The following NAXE variants were observed in gnomAD, a reference collection of about 807,000 sequenced individuals.
The protein encoded by NAXE is NAD(P)HX epimerase, also known as NAD(P)H-hydrate epimerase.
Under a neutral mutation model 31.2 loss-of-function variants are expected in NAXE, and 25 were observed. That is an observed-to-expected ratio of 0.80 (90% CI 0.58 to 1.12). NAXE has a LOEUF of 1.12. Ranked by LOEUF, NAXE falls within the 50% of genes most tolerant of loss-of-function variation. The pLI, the probability that NAXE is intolerant of heterozygous loss-of-function variation, is 0.00. For synonymous variants in NAXE, 144 were observed against 154.5 expected, an observed-to-expected ratio of 0.93 and a Z score of 0.50; for missense variants, 362 against 376.1, an observed-to-expected ratio of 0.96 and a Z score of 0.31.
chr1:156,594,013 G>T lies in NAXE; in HGVS notation c.796G>T (p.Ala266Ser). 6.2e-7 allele frequency: 1 copy of T among 1,614,150 alleles called. No homozygotes were observed. The highest frequency in any genetic ancestry group is 1.1e-5 in the South Asian group (1 of 91,084). The change falls in exon 6 of 6, where the codon GCT (alanine) becomes TCT (serine). Residue 266 changes from alanine (A) to serine (S), a missense_variant. Transcript: ENST00000368235. ...CCTGGGGGGTCGTTTTGTGCCACCT[G>T]CTCTGGAGAAGAAGTACCAGCTGAA... Reference protein sequence around the residue: ...HYLGGRFVPPALEKKYQLNLP... With the variant: ...HYLGGRFVPPSLEKKYQLNLP...
intron 4 of NAXE, 62 bp from the exon 5 acceptor site, chr1:156,593,346 T>C: frequency 6.4e-7 from 1 of 1,571,822 alleles, no homozygotes; most frequent in Non-Finnish European, 8.6e-7. Context: ...AGGACAGCCC[T>C]CTCCAGTTAA....
In NAXE at chr1:156,593,407, G is replaced by A. The variant is rs147197432; in HGVS notation, c.517-1G>A. 3.1e-6 allele frequency: 5 copies of A among 1,613,074 alleles called. No individual in the cohort carries two copies. The African/African-American group carries it at 6.7e-5, about 22-fold the overall frequency. On this transcript the variant is annotated splice_acceptor_variant, in intron 4 of 5. Coordinates refer to ENST00000368235, the MANE Select transcript of NAXE (RefSeq NM_144772.3). LOFTEE classifies it high-confidence loss of function. ...GACATCCTTTTCCTGCTCCACCACAGCCCATGACGATTGATGAACTGTATG... is the reference window on the plus strand; with the variant it reads ...GACATCCTTTTCCTGCTCCACCACAACCCATGACGATTGATGAACTGTATG...
intron 4 of NAXE, chr1:156,593,085 G>A (rs889932772): frequency 2.4e-6 from 1 of 417,384 alleles, no homozygotes; most frequent in African/African-American, 2.0e-5. Flanking sequence ...GTGCAGAGAA[G>A]TGGTTTGCTT....
rs1456211033 is a variant in NAXE, at chr1:156,593,746, G to A, written c.665-136G>A. 6 of 1,310,992 alleles carry A rather than the reference G, an allele frequency of 4.6e-6. No homozygotes were observed. In the Admixed American group the frequency reaches 9.8e-5, roughly 21 times the overall value. The allele number at this position is 1,310,992 out of a possible 1,614,324, so 81.2% of individuals were successfully genotyped here. On this transcript the variant is annotated intron_variant, in intron 5 of 5. Transcript: ENST00000368235. ...CCCATGAAGAGACCACGGCCCAAGG[G>A]TACGTGGAGCTCGTTGGACGAGAGT...
intron 2 of NAXE, 48 bp from the exon 3 acceptor site, chr1:156,592,317 C>CT (rs1178160195): frequency 1.2e-6 from 2 of 1,605,200 alleles, no homozygotes; most frequent in African/African-American, 2.7e-5. Context: ...CCAATATGGT[C>CT]TATTACCGCC....
At position 156,591,776 on chromosome 1, in the gene NAXE, G is replaced by GGGCCA. The variant is rs1183246063; in HGVS notation, c.-25_-24insAGGCC. 1 of 1,421,400 alleles carries GGGCCA rather than the reference G, an allele frequency of 7.0e-7. No homozygotes were observed. The highest frequency in any genetic ancestry group is 1.5e-5 in the African/African-American group (1 of 65,750). The allele number at this position is 1,421,400 out of a possible 1,614,324, so 88.0% of individuals were successfully genotyped here. On this transcript the variant is annotated 5_prime_UTR_variant, in exon 1 of 6. Coordinates refer to ENST00000368235, the MANE Select transcript of NAXE (RefSeq NM_144772.3). ...GCCGCACATGCGCCGGGGCCGGGCC[G>GGGCCA]GGCCGGGGGCGCGCGCTCTGCGAGC...
In NAXE at chr1:156,592,409, G is replaced by C. The variant is rs1317551622; in HGVS notation, c.336G>C (p.Leu112=). The change falls in exon 3 of 6, where the codon CTG becomes CTC. Residue 112 remains leucine, a synonymous_variant. Coordinates refer to ENST00000368235, the MANE Select transcript of NAXE (RefSeq NM_144772.3). ...TSMSRSPPTV[L]VICGPGNNGG... ...TGTCCAGGAGCCCCCCTACTGTCCT[G>C]GTCATCTGTGGCCCGGGGAATAATG... 6.2e-7 allele frequency: 1 copy of C among 1,614,172 alleles called. No homozygotes were observed. Among genetic ancestry groups the C allele is most frequent in the Non-Finnish European group, 8.5e-7 (1 of 1,180,036 alleles).
chr1:156,592,732 CT>C, intron 4 of NAXE, 62 bp downstream of exon 4: 3 of 1,451,774 alleles, frequency 2.1e-6, no homozygotes, highest in Non-Finnish European at 2.9e-6. Flanking sequence ...TCTGCTCTTC[CT>C]TCGTGTTTCC....
Position 156,593,989 on chromosome 1 carries a change from C to G in NAXE, c.772C>G (p.Leu258Val). The G allele has an allele frequency of 6.2e-7, 1 of 1,614,190 alleles. No individual in the cohort carries two copies. The highest frequency in any genetic ancestry group is 8.5e-7 in the Non-Finnish European group (1 of 1,180,028). ...CCAGTTTACCGGTCGCTACCATTAC[C>G]TGGGGGGTCGTTTTGTGCCACCTGC... The part of the protein sequence containing the change: ...ATQFTGRYHY[L>V]GGRFVPPALE... Residue 258 changes from leucine to valine, a missense_variant, in exon 6 of 6, where the codon CTG (leucine) becomes GTG (valine). Physicochemically the swap from Leu to Val is conservative, Grantham distance 32 (BLOSUM62 1). Coordinates refer to ENST00000368235, the MANE Select transcript of NAXE (RefSeq NM_144772.3).
In NAXE at chr1:156,592,595, C is replaced by T. The variant is rs753953377; in HGVS notation, c.441C>T (p.Asn147=). 1.2e-6 allele frequency: 2 copies of T among 1,614,084 alleles called. No homozygotes were observed. The highest frequency in any genetic ancestry group is 1.7e-6 in the Non-Finnish European group (2 of 1,180,034). ...CCATCTATTACCCCAAAAGGCCTAA[C>T]AAGCCCCTCTTCACTGCATTGGTGA... The part of the protein sequence containing the change: ...EPTIYYPKRP[N]KPLFTALVTQ... Residue 147 remains asparagine, a synonymous_variant, in exon 4 of 6, where the codon AAC becomes AAT. Coordinates refer to ENST00000368235, the MANE Select transcript of NAXE (RefSeq NM_144772.3).
Position 156,591,854 on chromosome 1 carries a change from C to G in NAXE, c.50C>G (p.Ser17Trp). 4 of 1,610,660 alleles carry G rather than the reference C, an allele frequency of 2.5e-6. No homozygotes were observed. The highest frequency in any genetic ancestry group is 3.4e-6 in the Non-Finnish European group (4 of 1,179,408). The change falls in exon 1 of 6, where the codon TCG becomes TGG. Residue 17 changes from serine to tryptophan, a missense_variant. Physicochemically the swap from Ser to Trp is radical, Grantham distance 177. Coordinates refer to ENST00000368235, the MANE Select transcript of NAXE (RefSeq NM_144772.3). ...LLGLGLLVAGSRVPRIKSQTI... is the reference protein window; with the variant it reads ...LLGLGLLVAGWRVPRIKSQTI... Reference sequence around the variant, plus strand: ...GGCCTCGGGCTGCTGGTTGCGGGCTCGCGCGTGCCGCGGATCAAAAGCCAG... The same window carrying G: ...GGCCTCGGGCTGCTGGTTGCGGGCTGGCGCGTGCCGCGGATCAAAAGCCAG...
In NAXE at chr1:156,592,587, AG is replaced by A. The variant is rs766617434; in HGVS notation, c.435del (p.Arg145SerfsTer11). Reference sequence around the variant, plus strand: ...CGAGCCAACCATCTATTACCCCAAAAGGCCTAACAAGCCCCTCTTCACTGCA... The same window carrying A: ...CGAGCCAACCATCTATTACCCCAAAAGCCTAACAAGCCCCTCTTCACTGCA... ...GYEPTIYYPK[R>X]PNKPLFTALV... On this transcript the variant is annotated frameshift_variant, in exon 4 of 6. Transcript: ENST00000368235. LOFTEE classifies it high-confidence loss of function. The A allele has an allele frequency of 1.2e-5, 19 of 1,614,050 alleles. No individual in the cohort carries two copies. The highest frequency in any genetic ancestry group is 1.6e-5 in the Non-Finnish European group (19 of 1,180,032).
In NAXE at chr1:156,592,366, C is replaced by A; in HGVS notation, c.293C>A (p.Ala98Glu). Residue 98 changes from alanine (A) to glutamate (E), a missense_variant and splice_region_variant, in exon 3 of 6, where the codon GCA becomes GAA. Ala to Glu is a moderately radical substitution (Grantham distance 107, BLOSUM62 -1). Coordinates refer to ENST00000368235, the MANE Select transcript of NAXE (RefSeq NM_144772.3). ...AACCACCCTTGACTCTGCCTTCAGGCATATCCCCCCACGTCCATGTCCAGG... is the reference window on the plus strand; with the variant it reads ...AACCACCCTTGACTCTGCCTTCAGGAATATCCCCCCACGTCCATGTCCAGG... Reference protein sequence around the residue: ...GLSCATAIAKAYPPTSMSRSP... With the variant: ...GLSCATAIAKEYPPTSMSRSP... 6.2e-7 allele frequency: 1 copy of A among 1,614,028 alleles called. No homozygotes were observed.
At chr1:156,592,334 C>G (rs748324079) in intron 2 of NAXE, 31 bp from the exon 3 acceptor site, 2 of 1,610,886 alleles carry the variant, frequency 1.2e-6, no homozygotes, top group South Asian at 2.2e-5. Context: ...CGCCTGAAAC[C>G]CCGCCGAACC....
At chr1:156,592,007 G>T in intron 1 of NAXE, 21 bp downstream of exon 1, 5 of 1,613,508 alleles carry the variant, frequency 3.1e-6, no homozygotes, top group Non-Finnish European at 3.4e-6. Context: ...GTCTCGGGTG[G>T]CCTGCTCTGC....
At chr1:156,592,763 G>T in intron 4 of NAXE, 93 bp downstream of exon 4, 2 of 1,191,134 alleles carry the variant, frequency 1.7e-6, no homozygotes, top group African/African-American at 1.5e-5. Flanking sequence ...TCATTTTAGT[G>T]CCTGGTACGG....
chr1:156,592,083 G>T lies in NAXE; in HGVS notation c.183-18G>T, dbSNP rs2102489109. 4 of 1,614,216 alleles carry T rather than the reference G, an allele frequency of 2.5e-6. No individual in the cohort carries two copies. The highest frequency in any genetic ancestry group is 4.5e-5 in the East Asian group (2 of 44,878). On this transcript the variant is annotated intron_variant, in intron 1 of 5. Transcript: ENST00000368235. ...AGAGAACACGAGGGGCGGGACTCAGGCCGCGGGTTTTCCTCAGCCAGGAGG... is the reference window on the plus strand; with the variant it reads ...AGAGAACACGAGGGGCGGGACTCAGTCCGCGGGTTTTCCTCAGCCAGGAGG...
In NAXE at chr1:156,592,614, T is replaced by G; in HGVS notation, c.460T>G (p.Leu154Val). 6.2e-7 allele frequency: 1 copy of G among 1,614,190 alleles called. No homozygotes were observed. Among genetic ancestry groups the G allele is most frequent in the Non-Finnish European group, 8.5e-7 (1 of 1,180,034 alleles). ...GCCTAACAAGCCCCTCTTCACTGCA[T>G]TGGTGACCCAGTGTCAGAAAATGGA... is the stretch of plus-strand genomic sequence containing the variant. ...KRPNKPLFTA[L>V]VTQCQKMDIP... Residue 154 changes from leucine (L) to valine (V), a missense_variant, in exon 4 of 6, where the codon TTG (leucine) becomes GTG (valine). Physicochemically the swap from Leu to Val is conservative, Grantham distance 32. Transcript: ENST00000368235.
intron 4 of NAXE, 188 bp from the exon 5 acceptor site, chr1:156,593,220 C>T: frequency 2.9e-6 from 2 of 683,224 alleles, no homozygotes; most frequent in Non-Finnish European, 4.5e-6. Flanking sequence ...AGAACAAAAA[C>T]TGTCTGGTCT....
Sources: allele counts gnomAD v4.1 joint callset, GRCh38; gene constraint gnomAD v4.1.1; transcripts MANE v1.5; gene names NCBI Gene and HGNC (gene_info 2026-07-23, HGNC 2026-07-21).